FAM163B: variants seen among roughly 807,000 people sequenced by gnomAD.
The protein encoded by FAM163B is family with sequence similarity 163 member B.
A neutral mutation model predicts 7.6 loss-of-function variants in FAM163B; 4 were observed. The ratio of observed to expected loss-of-function variants is 0.52; its 90% CI spans 0.26 to 1.20. FAM163B has a LOEUF of 1.20. Among genes scored for constraint, FAM163B ranks in the 50% most tolerant of loss-of-function variants. The pLI is 0.14. For missense variants in FAM163B, 250 were observed against 243.0 expected (o/e 1.03, Z -0.19); for synonymous variants, 120 against 111.6 (o/e 1.07, Z -0.47).
chr9:133,603,771 G>C (rs1026408042), intron 1 of FAM163B, among the ~76,000 whole-genome samples: 1 of 152,110 alleles, frequency 6.6e-6, no homozygotes, highest in Non-Finnish European at 1.5e-5. Context: ...TTTGAATCTG[G>C]GGCACCTGCT....
chr9:133,606,991 T>G lies in FAM163B; in HGVS notation c.-24+2086A>C, dbSNP rs1011242383. 6.6e-6 allele frequency among the ~76,000 whole-genome samples: 1 copy of G among 152,064 alleles called. No individual in the cohort carries two copies. The highest frequency in any genetic ancestry group is 6.5e-5 in the Admixed American group (1 of 15,276). On this transcript the variant is annotated intron_variant, in intron 1 of 2. Transcript: ENST00000673969. The surrounding 1 kb of genome is among the most constrained non-coding windows in gnomAD (Gnocchi z 4.0). ...CAGGAATATAGAGCCAGCCCCTAAA[T>G]ATACAAAACGGGGGTGATCATGTGA...
At position 133,601,948 on chromosome 9, in the gene FAM163B, T is replaced by TGCAGGGAGGACCA. The variant is rs1264049117; in HGVS notation, c.-24+7116_-24+7128dup. Among the ~76,000 whole-genome samples, 1 of 152,184 alleles carries TGCAGGGAGGACCA rather than the reference T, an allele frequency of 6.6e-6. No individual in the cohort carries two copies. The highest frequency in any genetic ancestry group is 1.5e-5 in the Non-Finnish European group (1 of 68,032). On this transcript the variant is annotated intron_variant, in intron 1 of 2. Transcript: ENST00000673969. The surrounding 1 kb of genome is among the most constrained non-coding windows in gnomAD (Gnocchi z 4.1). ...GGCAGTAGCCAGCACACAGGAGTGC[T>TGCAGGGAGGACCA]GCAGGGAGGACCAGCAGGGAAGCTG...
chr9:133,580,085 C>G lies in FAM163B; in HGVS notation c.93+46G>C. 2.6e-6 allele frequency: 4 copies of G among 1,551,050 alleles called. No homozygotes were observed. In the South Asian group the frequency reaches 3.4e-5, roughly 13 times the overall value. ...GGCTCCCTCCCGAGGTAGGGGCACC[C>G]TCTGGGCCTCCCTGCCCTGTCCCCT... On this transcript the variant is annotated intron_variant, in intron 2 of 2. Coordinates refer to ENST00000673969, the MANE Select transcript of FAM163B (RefSeq NM_001080515.3).
At chr9:133,582,982 T>G (rs1186392005) in intron 1 of FAM163B, among the ~76,000 whole-genome samples, 2 of 152,184 alleles carry the variant, frequency 1.3e-5, no homozygotes, top group Non-Finnish European at 2.9e-5. Context: ...CCCCGACACC[T>G]GCAGAGTGAC....
Position 133,579,429 on chromosome 9 carries a change from A to G in FAM163B, c.94T>C (p.Tyr32His). Residue 32 changes from tyrosine to histidine, a missense_variant and splice_region_variant, in exon 3 of 3, where the codon TAC (tyrosine) becomes CAC (histidine). Coordinates refer to ENST00000673969, the MANE Select transcript of FAM163B (RefSeq NM_001080515.3). Reference protein sequence around the residue: ...IAVLCYCRLQYYCCKKDESEE... With the variant: ...IAVLCYCRLQHYCCKKDESEE... ...GACTCGTCCTTCTTGCAGCAGTAGT[A>G]CTGCGGGCAGAGGGACGGTGACCAT... The G allele has an allele frequency of 6.3e-7, 1 of 1,592,574 alleles. No homozygotes were observed. Among genetic ancestry groups the G allele is most frequent in the Non-Finnish European group, 8.5e-7 (1 of 1,170,040 alleles).
At position 133,580,070 on chromosome 9, in the gene FAM163B, C is replaced by T. The variant is rs370422719; in HGVS notation, c.93+61G>A. ...GTGACCTTCAGGCGGGGCTCCCTCC[C>T]GAGGTAGGGGCACCCTCTGGGCCTC... On this transcript the variant is annotated intron_variant, in intron 2 of 2. Transcript: ENST00000673969. 1.0e-5 allele frequency: 15 copies of T among 1,458,142 alleles called. No homozygotes were observed. The South Asian group carries it at 1.0e-4, about 10-fold the overall frequency. The allele number at this position is 1,458,142 out of a possible 1,614,324, so 90.3% of individuals were successfully genotyped here.
chr9:133,596,319 C>T (rs1337226141), intron 1 of FAM163B, among the ~76,000 whole-genome samples: 1 of 150,928 alleles, frequency 6.6e-6, no homozygotes, highest in African/African-American at 2.4e-5. Flanking sequence ...CTGGGCTGTG[C>T]ATCACCTTGG....
chr9:133,583,356 C>T (rs1306476146), intron 1 of FAM163B, among the ~76,000 whole-genome samples: 1 of 152,144 alleles, frequency 6.6e-6, no homozygotes, highest in Non-Finnish European at 1.5e-5. Flanking sequence ...GAGGTGCTCC[C>T]TCAGGGACAG....
At chr9:133,604,535 T>C (rs1024555749) in intron 1 of FAM163B, among the ~76,000 whole-genome samples, 1 of 152,192 alleles carries the variant, frequency 6.6e-6, no homozygotes, top group Non-Finnish European at 1.5e-5. Flanking sequence ...GTTTTTCTCT[T>C]ACTGCAAGCA....
chr9:133,579,028 G>T lies in FAM163B; in HGVS notation c.495C>A (p.Asp165Glu). Residue 165 changes from aspartate to glutamate, a missense_variant, in exon 3 of 3, where the codon GAC (aspartate) becomes GAA (glutamate). Coordinates refer to ENST00000673969, the MANE Select transcript of FAM163B (RefSeq NM_001080515.3). ...TCCCGGGGGCGGGCCCAGGTCACAC[G>T]TCGGTGCTGATGCTGCGGCTCCTGG... ...AFARSRSIST[D>E]V 2 of 1,540,168 alleles carry T rather than the reference G, an allele frequency of 1.3e-6. No homozygotes were observed. Among genetic ancestry groups the T allele is most frequent in the Non-Finnish European group, 1.7e-6 (2 of 1,144,462 alleles).
Position 133,587,412 on chromosome 9 carries a change from T to A in FAM163B, c.-23-7166A>T, listed in dbSNP as rs1349437412. Among the ~76,000 whole-genome samples, 3 of 152,154 alleles carry A rather than the reference T, an allele frequency of 2.0e-5. No homozygotes were observed. The East Asian group carries it at 5.8e-4, about 29-fold the overall frequency. On this transcript the variant is annotated intron_variant, in intron 1 of 2. Transcript: ENST00000673969. ...AAAGGACTAGGTGATTGTCCCCCCC[T>A]GGCCTGGTCCCCACCAGGAAGTCAC...
At chr9:133,579,544 C>G (rs1588320307) in intron 2 of FAM163B, 115 bp from the exon 3 acceptor site, 1 of 1,352,006 alleles carries the variant, frequency 7.4e-7, no homozygotes, top group Non-Finnish European at 9.9e-7. Flanking sequence ...AGTGGGGTGG[C>G]CCAAGCCCAG....
intron 1 of FAM163B, among the ~76,000 whole-genome samples, chr9:133,592,758 A>T (rs1279364313): frequency 6.6e-6 from 1 of 152,178 alleles, no homozygotes; most frequent in Non-Finnish European, 1.5e-5. Flanking sequence ...CAGAGTTCCA[A>T]GTCCCACCCA....
At chr9:133,589,699 A>C (rs1831507811) in intron 1 of FAM163B, among the ~76,000 whole-genome samples, 1 of 152,180 alleles carries the variant, frequency 6.6e-6, no homozygotes, top group South Asian at 2.1e-4. Flanking sequence ...CTTGCACCGC[A>C]GGCCCTGAGT....
intron 1 of FAM163B, among the ~76,000 whole-genome samples, chr9:133,594,951 C>T (rs562269108): frequency 6.6e-5 from 10 of 152,198 alleles, no homozygotes; most frequent in South Asian, 6.2e-4. Flanking sequence ...ACAAGAGGGG[C>T]GAGGTCAGCA....
At chr9:133,603,308 C>T (rs3025334) in intron 1 of FAM163B, among the ~76,000 whole-genome samples, 19,361 of 152,190 alleles carry the variant, frequency 0.13, 1,589 homozygotes, top group East Asian at 0.31. Context: ...CCACCGCAGC[C>T]GGCCTTTTCC....
At chr9:133,594,077 A>T (rs1831595224) in intron 1 of FAM163B, among the ~76,000 whole-genome samples, 1 of 152,118 alleles carries the variant, frequency 6.6e-6, no homozygotes, top group Non-Finnish European at 1.5e-5. Context: ...TTATGTTTTA[A>T]CGAGACAAGA....
rs1831285880 is a variant in FAM163B at position 133,578,361 on chromosome 9, G to A, written c.*661C>T. The A allele has an allele frequency of 6.6e-6, 1 of 152,278 alleles. No homozygotes were observed. Among genetic ancestry groups the A allele is most frequent in the African/African-American group, 2.4e-5 (1 of 41,456 alleles). 9.4% of individuals were successfully genotyped at this position (152,278 alleles called of 1,614,324 possible). Reference sequence around the variant, plus strand: ...CTGGTCAGGGCGGAGCATCCCAAGGGCCCTGATGCCCCTGAAAGTCTCCCT... The same window carrying A: ...CTGGTCAGGGCGGAGCATCCCAAGGACCCTGATGCCCCTGAAAGTCTCCCT... On this transcript the variant is annotated 3_prime_UTR_variant, in exon 3 of 3. Coordinates refer to ENST00000673969, the MANE Select transcript of FAM163B (RefSeq NM_001080515.3).
intron 1 of FAM163B, among the ~76,000 whole-genome samples, chr9:133,598,812 G>A (rs1032550703): frequency 1.5e-4 from 23 of 152,174 alleles, no homozygotes; most frequent in African/African-American, 5.6e-4. Flanking sequence ...AGGGACCTGA[G>A]GCACCAGCAA....
Sources: allele counts gnomAD v4.1 joint callset (sites outside exome capture counted in the v4.1 genomes callset), GRCh38; gene constraint gnomAD v4.1.1; non-coding constraint Gnocchi (gnomAD v3.1); transcripts MANE v1.5; gene names NCBI Gene and HGNC (gene_info 2026-07-23, HGNC 2026-07-21).